The following SLC5A6 variants were observed in gnomAD, a reference collection of about 807,000 sequenced individuals.
SLC5A6 encodes sodium-dependent multivitamin transporter.
SLC5A6 carries 31 observed loss-of-function variants against 67.9 expected under a neutral mutation model. That is an observed-to-expected ratio of 0.46 (90% CI 0.34 to 0.62). The LOEUF (loss-of-function observed/expected upper bound fraction) is 0.62. SLC5A6 is among the 20% of genes least tolerant of loss of function. The probability of loss-of-function intolerance (pLI) is 0.01; values close to 1 mark genes in which losing one functional copy is unlikely to be tolerated. For missense variants in SLC5A6, 673 were observed against 812.8 expected, an observed-to-expected ratio of 0.83 and a Z score of 2.09; for synonymous variants, 343 against 331.0, an observed-to-expected ratio of 1.04 and a Z score of -0.39.
At chr2:27,200,681 G>T in intron 16 of SLC5A6, 102 bp from the exon 17 acceptor site, 1 of 1,264,592 alleles carries the variant, frequency 7.9e-7, no homozygotes, top group Non-Finnish European at 1.1e-6. Context: ...AGCCCAGCAA[G>T]GCTGGGTTCG....
chr2:27,211,366 T>C (rs1216756264), intron 2 of SLC5A6, 101 bp downstream of exon 2: 1 of 152,270 alleles, frequency 6.6e-6, no homozygotes, highest in Non-Finnish European at 1.5e-5. Context: ...AGGAGCTTTC[T>C]GGCTGGCCCT....
intron 15 of SLC5A6, 38 bp from the exon 16 acceptor site, chr2:27,201,151 C>T (rs1673605293): frequency 1.3e-6 from 2 of 1,502,468 alleles, no homozygotes; most frequent in Non-Finnish European, 1.8e-6. Context: ...TGGGTGGAAC[C>T]ATCCACAGCA....
intron 11 of SLC5A6, 47 bp downstream of exon 11, chr2:27,203,186 A>T (rs746423206): frequency 6.2e-7 from 1 of 1,611,212 alleles, no homozygotes; most frequent in South Asian, 1.1e-5. Flanking sequence ...GGTCAGGATG[A>T]AGCTTAGAAA....
Position 27,201,384 on chromosome 2 carries a change from C to A in SLC5A6, c.1614G>T (p.Val538=). Reference sequence around the variant, plus strand: ...GACTGACAATCAGGCCCACCACAATCACTGTGGTGGAGTTGTGAGCACTGT... The same window carrying A: ...GACTGACAATCAGGCCCACCACAATAACTGTGGTGGAGTTGTGAGCACTGT... The part of the protein sequence containing the change: ...LWYSAHNSTT[V]IVVGLIVSLL... The change falls in exon 15 of 17, where the codon GTG becomes GTT. Residue 538 remains valine (V), a synonymous_variant. Transcript: ENST00000310574. 1 of 1,610,760 alleles carries A rather than the reference C, an allele frequency of 6.2e-7. No homozygotes were observed.
At chr2:27,208,817 C>T (rs1247417281) in intron 2 of SLC5A6, 1 of 152,602 alleles carries the variant, frequency 6.6e-6, no homozygotes, top group Non-Finnish European at 1.5e-5. Context: ...CAACTCAGCC[C>T]TAGAGGCTCC....
At chr2:27,208,019 C>G (rs1298395989) in intron 2 of SLC5A6, among the ~76,000 whole-genome samples, 1 of 152,196 alleles carries the variant, frequency 6.6e-6, no homozygotes, top group Admixed American at 6.5e-5. Flanking sequence ...GTATGCACAG[C>G]TGTGAAATTC....
At chr2:27,210,402 C>G (rs1015839776) in intron 2 of SLC5A6, among the ~76,000 whole-genome samples, 3 of 152,006 alleles carry the variant, frequency 2.0e-5, no homozygotes, top group Non-Finnish European at 4.4e-5. Flanking sequence ...CTATAACATG[C>G]CAAGGCACAA....
At chr2:27,200,656 T>G in intron 16 of SLC5A6, 77 bp from the exon 17 acceptor site, 5 of 1,427,156 alleles carry the variant, frequency 3.5e-6, no homozygotes, top group South Asian at 1.3e-5. Context: ...ACAAAAAAGG[T>G]CCCCGCCAGA....
rs756243963 is a variant in SLC5A6 at position 27,203,768 on chromosome 2, A to G, written c.1094+11T>C. 1 of 1,608,280 alleles carries G rather than the reference A, an allele frequency of 6.2e-7. No homozygotes were observed. Among genetic ancestry groups the G allele is most frequent in the East Asian group, 2.2e-5 (1 of 44,840 alleles). On this transcript the variant is annotated intron_variant, in intron 10 of 16. Transcript: ENST00000310574. ...TGCACCAGGCCTGAGGGAAATCGTTAAAGTGGGTACCTGAGAGAGCCGCTG... is the reference window on the plus strand; with the variant it reads ...TGCACCAGGCCTGAGGGAAATCGTTGAAGTGGGTACCTGAGAGAGCCGCTG...
At chr2:27,211,955 G>A in intron 1 of SLC5A6, 65 bp downstream of exon 1, 1 of 442,070 alleles carries the variant, frequency 2.3e-6, no homozygotes, top group Admixed American at 5.4e-5. Flanking sequence ...CTGGCCGGGA[G>A]CCCGCGGGGG....
At position 27,202,804 on chromosome 2, in the gene SLC5A6, A is replaced by G; in HGVS notation, c.1275+9T>C. 1 of 1,611,396 alleles carries G rather than the reference A, an allele frequency of 6.2e-7. No individual in the cohort carries two copies. Among genetic ancestry groups the G allele is most frequent in the Non-Finnish European group, 8.5e-7 (1 of 1,177,728 alleles). ...CTTAAAATTGCTTCCTACCCTCTATAGTTATTACCTGCAGCACAGGTCCCA... is the reference window on the plus strand; with the variant it reads ...CTTAAAATTGCTTCCTACCCTCTATGGTTATTACCTGCAGCACAGGTCCCA... On this transcript the variant is annotated intron_variant, in intron 12 of 16. Coordinates refer to ENST00000310574, the MANE Select transcript of SLC5A6 (RefSeq NM_021095.4).
At position 27,202,503 on chromosome 2, in the gene SLC5A6, CAA is replaced by C. The variant is rs10638396; in HGVS notation, c.1275+308_1275+309del. Among the ~76,000 whole-genome samples, 233 of 72,270 alleles carry C rather than the reference CAA, an allele frequency of 3.2e-3. 1 individual carries two copies. The highest frequency in any genetic ancestry group is 4.4e-3 in the Non-Finnish European group (186 of 42,724). The allele number at this position is 72,270 out of a possible 152,430, so 47.4% of individuals were successfully genotyped here. The stretch of plus-strand genomic sequence containing the variant: ...TGAGCAACAGAATGAGACTCTGTCT[CAA>C]AAAAAAAAAAAAAAAAAAAAGAACT... On this transcript the variant is annotated intron_variant, in intron 12 of 16. Coordinates refer to ENST00000310574, the MANE Select transcript of SLC5A6 (RefSeq NM_021095.4).
chr2:27,208,132 T>C (rs918514681), intron 2 of SLC5A6, among the ~76,000 whole-genome samples: 1 of 152,098 alleles, frequency 6.6e-6, no homozygotes, highest in African/African-American at 2.4e-5. Flanking sequence ...ACAGACCCAG[T>C]CACTACAATA....
In SLC5A6 at chr2:27,207,014, G is replaced by T; in HGVS notation, c.394-72C>A. Reference sequence around the variant, plus strand: ...ACTCACAGACAAATTCCCTCAAGATGCTCAGGAACATGAGGGAATATCCAA... The same window carrying T: ...ACTCACAGACAAATTCCCTCAAGATTCTCAGGAACATGAGGGAATATCCAA... On this transcript the variant is annotated intron_variant, in intron 3 of 16. Transcript: ENST00000310574. This position sits in a 1 kb window ranked among gnomAD's most constrained non-coding sequence, Gnocchi z 5.5. The T allele has an allele frequency of 7.5e-7, 1 of 1,335,776 alleles. No individual in the cohort carries two copies. Among genetic ancestry groups the T allele is most frequent in the Non-Finnish European group, 1.1e-6 (1 of 926,704 alleles). 82.7% of individuals were successfully genotyped at this position (1,335,776 alleles called of 1,614,324 possible). A position where few individuals can be genotyped will look rare whatever the true frequency, so the allele number is the denominator to read the frequency against.
Position 27,201,668 on chromosome 2 carries a change from G to A in SLC5A6, c.1542C>T (p.Ser514=). 1 of 1,613,466 alleles carries A rather than the reference G, an allele frequency of 6.2e-7. No individual in the cohort carries two copies. The part of the protein sequence containing the change: ...VTTLMPLTTF[S]KPTGLQRFYS... ...GAAGATAGCAAGCCCTGCCTTACTT[G>A]GAGAAGGTAGTCAAGGGCATCAGTG... The change falls in exon 14 of 17, where the codon TCC becomes TCT. Residue 514 remains serine, a splice_region_variant and synonymous_variant. Coordinates refer to ENST00000310574, the MANE Select transcript of SLC5A6 (RefSeq NM_021095.4).
At position 27,212,014 on chromosome 2, in the gene SLC5A6, G is replaced by A. The variant is rs1008634495; in HGVS notation, c.-208+6C>T. The stretch of plus-strand genomic sequence containing the variant: ...CCCGCCCCGCTCGCCGTGCCGCCAT[G>A]TTTACTGAGGGCGGATGGAGGGGCC... On this transcript the variant is annotated splice_donor_region_variant and intron_variant, in intron 1 of 16. Transcript: ENST00000310574. The A allele has an allele frequency of 1.1e-5, 7 of 657,100 alleles. No individual in the cohort carries two copies. The Admixed American group carries it at 3.3e-4, about 31-fold the overall frequency. 40.7% of individuals were successfully genotyped at this position (657,100 alleles called of 1,614,324 possible).
In SLC5A6 at chr2:27,201,430, T is replaced by C; in HGVS notation, c.1568A>G (p.Tyr523Cys). 6.2e-7 allele frequency: 1 copy of C among 1,612,960 alleles called. No homozygotes were observed. The highest frequency in any genetic ancestry group is 8.5e-7 in the Non-Finnish European group (1 of 1,179,014). The change falls in exon 15 of 17, where the codon TAT (tyrosine) becomes TGT (cysteine). Residue 523 changes from tyrosine to cysteine, a missense_variant. Tyr to Cys is a radical substitution (Grantham distance 194, BLOSUM62 -2). Coordinates refer to ENST00000310574, the MANE Select transcript of SLC5A6 (RefSeq NM_021095.4). Reference sequence around the variant, plus strand: ...ACTGTACCATAAGTAAGACAAGGAATAGAACCGCTGCAGCCCTGTGGGCCT... The same window carrying C: ...ACTGTACCATAAGTAAGACAAGGAACAGAACCGCTGCAGCCCTGTGGGCCT... ...FSKPTGLQRF[Y>C]SLSYLWYSAH...
At chr2:27,200,855 G>C in intron 16 of SLC5A6, 143 bp downstream of exon 16, 1 of 638,602 alleles carries the variant, frequency 1.6e-6, no homozygotes, top group Non-Finnish European at 2.8e-6. Flanking sequence ...ACCTGAGACA[G>C]CCGTGTGGGA....
At position 27,202,841 on chromosome 2, in the gene SLC5A6, A is replaced by T; in HGVS notation, c.1247T>A (p.Ile416Asn). 1.2e-6 allele frequency: 2 copies of T among 1,614,122 alleles called. No individual in the cohort carries two copies. The highest frequency in any genetic ancestry group is 8.5e-7 in the Non-Finnish European group (1 of 1,179,994). Residue 416 changes from isoleucine to asparagine, a missense_variant, in exon 12 of 17, where the codon ATT (isoleucine) becomes AAT (asparagine). Transcript: ENST00000310574. ...CAGCACAGGTCCCATCTGGGAGGAA[A>T]TATAGGCCATTCCTAGACAAAGCAG... is the stretch of plus-strand genomic sequence containing the variant. ...YGLLCLGMAY[I>N]SSQMGPVLQA...
Sources: allele counts gnomAD v4.1 joint callset (sites outside exome capture counted in the v4.1 genomes callset), GRCh38; gene constraint gnomAD v4.1.1; non-coding constraint Gnocchi (gnomAD v3.1); transcripts MANE v1.5; gene names NCBI Gene and HGNC (gene_info 2026-07-23, HGNC 2026-07-21).